The following KIAA1671 variants were observed in gnomAD, a reference collection of about 807,000 sequenced individuals.
KIAA1671 encodes uncharacterized protein KIAA1671.
KIAA1671 carries 52 observed loss-of-function variants against 131.2 expected under a neutral mutation model. The ratio of observed to expected loss-of-function variants is 0.40; its 90% CI spans 0.32 to 0.50. The LOEUF (loss-of-function observed/expected upper bound fraction) is 0.50. Ranked by LOEUF, KIAA1671 falls within the 20% of genes least tolerant of loss-of-function variation. The pLI is 0.73. For missense variants in KIAA1671, 2,360 were observed against 2,364.2 expected (o/e 1.00, Z 0.04); for synonymous variants, 1,003 against 961.6 (o/e 1.04, Z -0.80).
In KIAA1671 at chr22:25,029,006, C is replaced by T. The variant is rs554100016; in HGVS notation, c.1007C>T (p.Pro336Leu). The T allele has an allele frequency of 3.2e-4, 488 of 1,510,140 alleles. 4 individuals carry two copies. In the South Asian group the frequency reaches 5.8e-3, roughly 18 times the overall value. The allele number at this position is 1,510,140 out of a possible 1,614,324, so 93.5% of individuals were successfully genotyped here. A position where few individuals can be genotyped will look rare whatever the true frequency, so the allele number is the denominator to read the frequency against. The stretch of plus-strand genomic sequence containing the variant: ...GACTGTTTGGTCAAGGCGGAGGCTC[C>T]TCTTCATGATCCTGATTTGGACTTC... ...DRDCLVKAEA[P>L]LHDPDLDFLE... The change falls in exon 3 of 13, where the codon CCT becomes CTT. Residue 336 changes from proline (P) to leucine (L), a missense_variant. Coordinates refer to ENST00000358431, the MANE Select transcript of KIAA1671 (RefSeq NM_001145206.2).
intron 1 of KIAA1671, among the ~76,000 whole-genome samples, chr22:25,005,149 A>G (rs1366232827): frequency 1.3e-5 from 2 of 150,924 alleles, no homozygotes; most frequent in African/African-American, 2.4e-5. Context: ...AGCGATCGAG[A>G]CCATCCTGGC....
chr22:25,114,694 G>A (rs540616617), intron 6 of KIAA1671, among the ~76,000 whole-genome samples: 1 of 152,296 alleles, frequency 6.6e-6, no homozygotes, highest in South Asian at 2.1e-4. Context: ...AGTTCTTGTG[G>A]CAACCAAACC....
At chr22:25,000,492 C>CTTTT (rs932233451) in intron 1 of KIAA1671, among the ~76,000 whole-genome samples, 1 of 49,660 alleles carries the variant, frequency 2.0e-5, no homozygotes, top group African/African-American at 6.8e-5. Flanking sequence ...CGCGCCCGGC[C>CTTTT]TTTTTTTTTT....
chr22:25,170,887 A>G lies in KIAA1671; in HGVS notation c.4598A>G (p.Glu1533Gly). The G allele has an allele frequency of 6.4e-7, 1 of 1,551,668 alleles. No individual in the cohort carries two copies. The highest frequency in any genetic ancestry group is 8.7e-7 in the Non-Finnish European group (1 of 1,147,010). The change falls in exon 7 of 13, where the codon GAA (glutamate) becomes GGA (glycine). Residue 1533 changes from glutamate (E) to glycine (G), a missense_variant. This residue lies in a region of KIAA1671 where 1,161 missense variants were observed against 1,204.7 expected (regional missense o/e 0.96). Transcript: ENST00000358431. Reference protein sequence around the residue: ...EPKDTDTLVHEAGSQYGTWTE... With the variant: ...EPKDTDTLVHGAGSQYGTWTE... ...AAGGACACTGACACCCTCGTGCACG[A>G]AGCCGGCAGCCAGTATGGGACGTGG...
Position 25,181,712 on chromosome 22 carries a change from C to G in KIAA1671, c.5088C>G (p.Pro1696=), listed in dbSNP as rs1379141646. The G allele has an allele frequency of 1.3e-6, 2 of 1,551,510 alleles. No homozygotes were observed. The highest frequency in any genetic ancestry group is 1.7e-6 in the Non-Finnish European group (2 of 1,146,908). The part of the protein sequence containing the change: ...MFKDSTEEKS[P]RKEESDEEET... ...TCTTTGCAACAGAGGAGAAATCACC[C>G]AGGAAGGAGGAGTCGGATGAGGAGG... is the stretch of plus-strand genomic sequence containing the variant. Residue 1696 remains proline, a synonymous_variant, in exon 10 of 13, where the codon CCC becomes CCG. Coordinates refer to ENST00000358431, the MANE Select transcript of KIAA1671 (RefSeq NM_001145206.2).
rs568808813 is a variant in KIAA1671 at position 25,140,415 on chromosome 22, G to A, written c.4531-30405G>A. Among the ~76,000 whole-genome samples the A allele has an allele frequency of 1.7e-4, 25 of 149,534 alleles. No individual in the cohort carries two copies. The South Asian group carries it at 4.0e-3, about 24-fold the overall frequency. ...TTTTGAGACGGAGTCTCGCTCTTTCGCCCAGGCCGGACTGCGGTGGCACTA... is the reference window on the plus strand; with the variant it reads ...TTTTGAGACGGAGTCTCGCTCTTTCACCCAGGCCGGACTGCGGTGGCACTA... On this transcript the variant is annotated intron_variant, in intron 6 of 12. Coordinates refer to ENST00000358431, the MANE Select transcript of KIAA1671 (RefSeq NM_001145206.2).
intron 6 of KIAA1671, among the ~76,000 whole-genome samples, chr22:25,167,780 A>G (rs560588130): frequency 6.6e-6 from 1 of 152,270 alleles, no homozygotes; most frequent in South Asian, 2.1e-4. Context: ...CCGTCCTTGT[A>G]TACACCTCAT....
intron 6 of KIAA1671, among the ~76,000 whole-genome samples, chr22:25,107,314 G>A (rs1931063179): frequency 6.6e-6 from 1 of 152,140 alleles, no homozygotes; most frequent in East Asian, 1.9e-4. Context: ...CTATTCGGGA[G>A]ACTGAGGCAG....
chr22:24,972,448 TCATGCATGCA>T (rs960591299), intron 1 of KIAA1671, among the ~76,000 whole-genome samples: 7 of 152,080 alleles, frequency 4.6e-5, no homozygotes, highest in Non-Finnish European at 1.0e-4. Context: ...ATTCATCCAC[TCATGCATGCA>T]CGCATGCATG....
intron 6 of KIAA1671, among the ~76,000 whole-genome samples, chr22:25,135,706 T>C (rs5760869): frequency 0.77 from 116,680 of 152,194 alleles, 45,812 homozygotes; most frequent in African/African-American, 0.94. Context: ...CTCACGTGGC[T>C]GTCTGGTGGG....
chr22:24,975,326 GT>G (rs1210337754), intron 1 of KIAA1671, among the ~76,000 whole-genome samples: 2 of 142,424 alleles, frequency 1.4e-5, no homozygotes, highest in Non-Finnish European at 3.1e-5. Flanking sequence ...TTTTTTTTCA[GT>G]TTTTTTTTCA....
At chr22:24,967,965 C>G (rs553374378) in intron 1 of KIAA1671, among the ~76,000 whole-genome samples, 1 of 152,072 alleles carries the variant, frequency 6.6e-6, no homozygotes, top group East Asian at 1.9e-4. Context: ...TGCACTCCAG[C>G]CTGGGCGACA....
chr22:25,141,399 A>T (rs111842603), intron 6 of KIAA1671, among the ~76,000 whole-genome samples: 1 of 151,136 alleles, frequency 6.6e-6, no homozygotes, highest in Non-Finnish European at 1.5e-5. Flanking sequence ...CACCTGGCTA[A>T]TTTTTTGTAT....
intron 6 of KIAA1671, among the ~76,000 whole-genome samples, chr22:25,067,007 C>G (rs1374161407): frequency 1.3e-5 from 2 of 152,206 alleles, no homozygotes; most frequent in Non-Finnish European, 2.9e-5. Context: ...CAGCCTCTGA[C>G]TTCTGATGCA....
At chr22:25,107,280 G>A (rs528178713) in intron 6 of KIAA1671, among the ~76,000 whole-genome samples, 19 of 151,916 alleles carry the variant, frequency 1.3e-4, no homozygotes, top group Non-Finnish European at 2.4e-4. Flanking sequence ...AGCCGGGCGT[G>A]GTGGCAGGCA....
At chr22:25,083,072 C>T (rs1197453442) in intron 6 of KIAA1671, among the ~76,000 whole-genome samples, 1 of 152,146 alleles carries the variant, frequency 6.6e-6, no homozygotes, top group Non-Finnish European at 1.5e-5. Flanking sequence ...TTTTCCAGGG[C>T]TGCCATATTA....
chr22:25,129,257 G>A lies in KIAA1671; in HGVS notation c.4531-41563G>A, dbSNP rs370990548. On this transcript the variant is annotated intron_variant, in intron 6 of 12. Coordinates refer to ENST00000358431, the MANE Select transcript of KIAA1671 (RefSeq NM_001145206.2). ...TTCTGGGCTGGGTATGTTGGCTCAC[G>A]CCTGTAATCCCAGCACTTTGGGAGG... is the stretch of plus-strand genomic sequence containing the variant. Among the ~76,000 whole-genome samples the A allele has an allele frequency of 7.9e-5, 12 of 152,280 alleles. No homozygotes were observed. In the South Asian group the frequency reaches 1.7e-3, roughly 21 times the overall value.
intron 6 of KIAA1671, chr22:25,052,412 C>T (rs1927582360): frequency 1.3e-5 from 2 of 152,230 alleles, no homozygotes; most frequent in African/African-American, 4.8e-5. Context: ...CTCAGGGCCT[C>T]ACTTTTCCTC....
At chr22:25,106,302 G>A (rs1931003340) in intron 6 of KIAA1671, among the ~76,000 whole-genome samples, 1 of 152,162 alleles carries the variant, frequency 6.6e-6, no homozygotes, top group African/African-American at 2.4e-5. Context: ...TGAGTGTTGT[G>A]TTCTGTATTG....
Sources: allele counts gnomAD v4.1 joint callset (sites outside exome capture counted in the v4.1 genomes callset), GRCh38; gene constraint gnomAD v4.1.1; regional missense constraint gnomAD v4.1.1; transcripts MANE v1.5; gene names NCBI Gene and HGNC (gene_info 2026-07-23, HGNC 2026-07-21).